The following OTOGL variants were observed in gnomAD, a reference collection of about 807,000 sequenced individuals.
OTOGL encodes the protein otogelin-like protein.
A neutral mutation model predicts 318.5 loss-of-function variants in OTOGL; 285 were observed. The ratio of observed to expected loss-of-function variants is 0.89; its 90% CI spans 0.81 to 0.99. OTOGL has a LOEUF of 0.99. Among genes scored for constraint, OTOGL ranks in the 50% least tolerant of loss-of-function variants. The pLI, the probability that OTOGL is intolerant of heterozygous loss-of-function variation, is 0.00. For synonymous variants in OTOGL, 987 were observed against 936.5 expected (o/e 1.05, Z -0.99); for missense variants, 2,899 against 2,845.6 (o/e 1.02, Z -0.43).
chr12:80,241,346 A>T lies in OTOGL; in HGVS notation c.1052+1907A>T, dbSNP rs148759510. Reference sequence around the variant, plus strand: ...TGAACTAATGCAGGAGCCTTGAAAGAACCCCCACTCTGCCTAAAATATTGG... The same window carrying T: ...TGAACTAATGCAGGAGCCTTGAAAGTACCCCCACTCTGCCTAAAATATTGG... On this transcript the variant is annotated intron_variant, in intron 11 of 58. Coordinates refer to ENST00000547103, the MANE Select transcript of OTOGL (RefSeq NM_001378609.3). Among the ~76,000 whole-genome samples, 453 of 152,254 alleles carry T rather than the reference A, an allele frequency of 3.0e-3. 4 individuals are homozygous for T. The highest frequency in any genetic ancestry group is 0.01 in the African/African-American group (430 of 41,560).
chr12:80,109,017 T>C (rs1182613294), intron 1 of OTOGL, among the ~76,000 whole-genome samples: 1 of 150,338 alleles, frequency 6.7e-6, no homozygotes, highest in Non-Finnish European at 1.5e-5. Context: ...CAGATTTGGC[T>C]TTAAGACAGC....
intron 1 of OTOGL, among the ~76,000 whole-genome samples, chr12:80,145,829 G>A (rs1424811003): frequency 6.6e-6 from 1 of 151,880 alleles, no homozygotes; most frequent in Non-Finnish European, 1.5e-5. Context: ...AGTTGTGAAT[G>A]GGAGTTCACT....
chr12:80,169,046 A>G (rs1033912083), intron 1 of OTOGL, among the ~76,000 whole-genome samples: 1 of 152,140 alleles, frequency 6.6e-6, no homozygotes, highest in South Asian at 2.1e-4. Flanking sequence ...ATCTAGAGCT[A>G]TAGTCTTGTT....
intron 1 of OTOGL, among the ~76,000 whole-genome samples, chr12:80,188,329 G>T (rs1056027117): frequency 6.6e-6 from 1 of 151,998 alleles, no homozygotes; most frequent in Non-Finnish European, 1.5e-5. Context: ...CACGAGGTCA[G>T]GAGTTCGAGA....
At chr12:80,236,816 C>CTTTTTTTTTTT (rs1376942990) in intron 9 of OTOGL, among the ~76,000 whole-genome samples, 1 of 137,612 alleles carries the variant, frequency 7.3e-6, no homozygotes, top group African/African-American at 2.7e-5. Flanking sequence ...TTTTTCTTTT[C>CTTTTTTTTTTT]TTTTTTTTTT....
chr12:80,257,695 A>T, intron 17 of OTOGL, 130 bp from the exon 18 acceptor site: 1 of 950,886 alleles, frequency 1.1e-6, no homozygotes, highest in Non-Finnish European at 1.5e-6. Context: ...TGAAGCACAG[A>T]CAGGAACCAC....
At chr12:80,175,696 G>A (rs1193133011) in intron 1 of OTOGL, among the ~76,000 whole-genome samples, 2 of 152,052 alleles carry the variant, frequency 1.3e-5, no homozygotes, top group African/African-American at 4.8e-5. Flanking sequence ...GCAACTCTAT[G>A]CACTTCAGGT....
intron 44 of OTOGL, among the ~76,000 whole-genome samples, chr12:80,349,997 C>T (rs1453534678): frequency 1.3e-5 from 2 of 152,184 alleles, no homozygotes; most frequent in African/African-American, 4.8e-5. Flanking sequence ...AGTCAACATG[C>T]TGTACAATAG....
At chr12:80,228,507 A>C (rs1474130339) in intron 7 of OTOGL, among the ~76,000 whole-genome samples, 1 of 151,970 alleles carries the variant, frequency 6.6e-6, no homozygotes, top group Non-Finnish European at 1.5e-5. Flanking sequence ...CCAAACAAAA[A>C]ACCCGTATAT....
At chr12:80,360,098 ATG>A (rs1890144554) in intron 52 of OTOGL, among the ~76,000 whole-genome samples, 1 of 152,230 alleles carries the variant, frequency 6.6e-6, no homozygotes, top group South Asian at 2.1e-4. Flanking sequence ...ATGAAAGAGA[ATG>A]TGAGACTGCC....
rs1870131409 is a variant in OTOGL, at chr12:80,115,919, C to T, written c.-20+16314C>T. Among the ~76,000 whole-genome samples, 5 of 152,136 alleles carry T rather than the reference C, an allele frequency of 3.3e-5. No homozygotes were observed. The South Asian group carries it at 1.0e-3, about 32-fold the overall frequency. On this transcript the variant is annotated intron_variant, in intron 1 of 58. Coordinates refer to ENST00000547103, the MANE Select transcript of OTOGL (RefSeq NM_001378609.3). ...CCTCCCCCCACCAAGCTTCAGTGTC[C>T]CAAGTTGACTTCAGACTGCTGTGCT...
At chr12:80,156,130 G>A (rs1015794796) in intron 1 of OTOGL, among the ~76,000 whole-genome samples, 4 of 152,214 alleles carry the variant, frequency 2.6e-5, no homozygotes, top group Non-Finnish European at 4.4e-5. Flanking sequence ...CGTGGACTGC[G>A]AAAGGCAGAC....
chr12:80,362,821 C>T (rs924456911), intron 52 of OTOGL, among the ~76,000 whole-genome samples: 1 of 151,912 alleles, frequency 6.6e-6, no homozygotes, highest in Non-Finnish European at 1.5e-5. Flanking sequence ...AGTAAATTCA[C>T]AAAGCTATGA....
At chr12:80,360,955 G>A (rs1353595777) in intron 52 of OTOGL, 1 of 151,854 alleles carries the variant, frequency 6.6e-6, no homozygotes, top group Non-Finnish European at 1.5e-5. Context: ...ATTAACACAT[G>A]CATTACCTCA....
At chr12:80,210,729 C>T in intron 2 of OTOGL, 118 bp from the exon 3 acceptor site, 1 of 741,874 alleles carries the variant, frequency 1.3e-6, no homozygotes, top group Non-Finnish European at 2.0e-6. Context: ...GCAAAACTAA[C>T]AGCAAACTTC....
chr12:80,277,212 C>A (rs1883875417), intron 24 of OTOGL, among the ~76,000 whole-genome samples: 1 of 144,900 alleles, frequency 6.9e-6, no homozygotes, highest in East Asian at 2.0e-4. Flanking sequence ...ATGTTTTTAT[C>A]TTTATTTTAT....
chr12:80,266,669 TACGGGC>T, intron 21 of OTOGL, 53 bp downstream of exon 21: 1 of 1,521,810 alleles, frequency 6.6e-7, no homozygotes, highest in African/African-American at 1.4e-5. Context: ...TTTTTCTCCT[TACGGGC>T]TAAATGAGCT....
rs1019117796 is a variant in OTOGL, at chr12:80,284,014, C to T, written c.2928+4848C>T. Among the ~76,000 whole-genome samples the T allele has an allele frequency of 3.9e-5, 6 of 152,062 alleles. No homozygotes were observed. In the South Asian group the frequency reaches 1.2e-3, roughly 32 times the overall value. ...CACACATTAGGTATTTGTCCTAATG[C>T]TCTCCCTCCCTTTGCTTCCCCATCC... On this transcript the variant is annotated intron_variant, in intron 26 of 58. Transcript: ENST00000547103.
chr12:80,109,833 AAAG>A (rs1869717949), intron 1 of OTOGL, among the ~76,000 whole-genome samples: 1 of 152,180 alleles, frequency 6.6e-6, no homozygotes, highest in Admixed American at 6.5e-5. Context: ...TAGAATAAGA[AAAG>A]AAATTACAAC....
Sources: allele counts gnomAD v4.1 joint callset (sites outside exome capture counted in the v4.1 genomes callset), GRCh38; gene constraint gnomAD v4.1.1; transcripts MANE v1.5; gene names NCBI Gene and HGNC (gene_info 2026-07-23, HGNC 2026-07-21).